SRBD1: variants seen among roughly 807,000 people sequenced by gnomAD.
The protein encoded by SRBD1 is S1 RNA-binding domain-containing protein 1.
Under a neutral mutation model 115.3 loss-of-function variants are expected in SRBD1, and 88 were observed. That is an observed-to-expected ratio of 0.76 (90% CI 0.64 to 0.91). The LOEUF (loss-of-function observed/expected upper bound fraction) is 0.91, where lower values mean the gene tolerates loss of function less well. Among genes scored for constraint, SRBD1 ranks in the 40% least tolerant of loss-of-function variants. The pLI is 0.00. For missense variants in SRBD1, 1,385 were observed against 1,177.4 expected (o/e 1.18, Z -2.58); for synonymous variants, 509 against 407.7 (o/e 1.25, Z -2.99).
In SRBD1 at chr2:45,573,207, C is replaced by G; in HGVS notation, c.1305G>C (p.Gln435His). 1 of 1,600,280 alleles carries G rather than the reference C, an allele frequency of 6.2e-7. No individual in the cohort carries two copies. The highest frequency in any genetic ancestry group is 8.5e-7 in the Non-Finnish European group (1 of 1,174,898). The change falls in exon 9 of 21, where the codon CAG (glutamine) becomes CAC (histidine). Residue 435 changes from glutamine (Q) to histidine (H), a missense_variant and splice_region_variant. Transcript: ENST00000263736. ...ATGCACATGCAGTTTCTTTATTTAC[C>G]TGATGATGGTGAATGTTTCTTATGT... is the stretch of plus-strand genomic sequence containing the variant. ...SCNIRNIHHH[Q>H]ILAINRGENL... is the part of the protein sequence containing the mutation.
intron 16 of SRBD1, among the ~76,000 whole-genome samples, chr2:45,475,967 G>A (rs1669792209): frequency 6.6e-6 from 1 of 152,182 alleles, no homozygotes. Flanking sequence ...CCAAAGTGCT[G>A]GGATTACAGG....
intron 12 of SRBD1, among the ~76,000 whole-genome samples, chr2:45,548,004 C>T (rs1196437943): frequency 6.6e-6 from 1 of 151,794 alleles, no homozygotes; most frequent in Non-Finnish European, 1.5e-5. Flanking sequence ...TTACCTTGTG[C>T]ATATTTAAGA....
rs1198297971 is a variant in SRBD1 at position 45,458,329 on chromosome 2, C to G, written c.2049+18664G>C. On this transcript the variant is annotated intron_variant, in intron 16 of 20. Transcript: ENST00000263736. ...TAAATGAAACAACAGAAGCCTCACC[C>G]TTTCTGGCTTGTTTTCCTAAAACAC... Among the ~76,000 whole-genome samples, 8 of 152,078 alleles carry G rather than the reference C, an allele frequency of 5.3e-5. No individual in the cohort carries two copies. The East Asian group carries it at 1.5e-3, about 29-fold the overall frequency.
intron 19 of SRBD1, among the ~76,000 whole-genome samples, chr2:45,402,171 T>A (rs888080352): frequency 6.6e-6 from 1 of 152,156 alleles, no homozygotes. Flanking sequence ...GGGCACCAGT[T>A]AGGAATCTTT....
At position 45,599,572 on chromosome 2, in the gene SRBD1, T is replaced by C. The variant is rs747954118; in HGVS notation, c.525A>G (p.Thr175=). ...CKKEENDDDF[T]FGQSALKKIK... ...TTTTCTTTAAAGCGGACTGACCAAA[T>C]GTAAAGTCATCGTCATTCTCTTCCT... Residue 175 remains threonine (T), a synonymous_variant, in exon 4 of 21, where the codon ACA becomes ACG. Transcript: ENST00000263736. 1.2e-6 allele frequency: 2 copies of C among 1,614,208 alleles called. No individual in the cohort carries two copies. Among genetic ancestry groups the C allele is most frequent in the Non-Finnish European group, 1.7e-6 (2 of 1,180,034 alleles).
chr2:45,581,690 T>C lies in SRBD1; in HGVS notation c.933+3A>G, dbSNP rs749220885. ...ACATTAAAAGATAAAAAGGATTCCT[T>C]ACCACGTGTTCTAGTTCTTCAAAAG... On this transcript the variant is annotated splice_donor_region_variant and intron_variant, in intron 6 of 20. Transcript: ENST00000263736. 6.2e-7 allele frequency: 1 copy of C among 1,608,936 alleles called. No individual in the cohort carries two copies. The highest frequency in any genetic ancestry group is 8.5e-7 in the Non-Finnish European group (1 of 1,177,338).
At chr2:45,540,532 T>C (rs992203751) in intron 14 of SRBD1, among the ~76,000 whole-genome samples, 1 of 152,028 alleles carries the variant, frequency 6.6e-6, no homozygotes, top group Non-Finnish European at 1.5e-5. Context: ...AATTGGACTT[T>C]CTCAAAACTA....
At position 45,538,204 on chromosome 2, in the gene SRBD1, T is replaced by C. The variant is rs559995889; in HGVS notation, c.1874+8528A>G. Reference sequence around the variant, plus strand: ...CAAGGGAAATCTCAGAAAACAAAAATAGAAAAATTCTTCATAACACCCCAT... The same window carrying C: ...CAAGGGAAATCTCAGAAAACAAAAACAGAAAAATTCTTCATAACACCCCAT... On this transcript the variant is annotated intron_variant, in intron 14 of 20. Transcript: ENST00000263736. Among the ~76,000 whole-genome samples, 41 of 152,196 alleles carry C rather than the reference T, an allele frequency of 2.7e-4. 1 individual carries two copies. Among genetic ancestry groups the C allele is most frequent in the African/African-American group, 7.7e-4 (32 of 41,502 alleles).
chr2:45,410,150 A>G (rs1051367057), intron 19 of SRBD1, among the ~76,000 whole-genome samples: 3 of 152,240 alleles, frequency 2.0e-5, no homozygotes, highest in Admixed American at 6.5e-5. Flanking sequence ...AGCACATTAG[A>G]AAGTGTTCAG....
intron 14 of SRBD1, among the ~76,000 whole-genome samples, chr2:45,510,239 AAC>A (rs1441303205): frequency 1.3e-5 from 2 of 152,228 alleles, no homozygotes; most frequent in African/African-American, 4.8e-5. Context: ...TATACACACA[AAC>A]ACACAAAGAA....
intron 15 of SRBD1, among the ~76,000 whole-genome samples, chr2:45,479,623 T>G (rs1669902442): frequency 6.6e-6 from 1 of 152,174 alleles, no homozygotes; most frequent in Admixed American, 6.5e-5. Context: ...AAGGCTGGTT[T>G]GTGAGGGTTA....
intron 16 of SRBD1, among the ~76,000 whole-genome samples, chr2:45,443,655 T>C (rs1041758053): frequency 6.6e-6 from 1 of 152,044 alleles, no homozygotes; most frequent in Non-Finnish European, 1.5e-5. Context: ...ATCTAAAACT[T>C]TGGCAGACAG....
intron 15 of SRBD1, among the ~76,000 whole-genome samples, chr2:45,482,613 AACACACAC>A (rs70937962): frequency 6.5e-4 from 96 of 148,642 alleles, no homozygotes; most frequent in African/African-American, 1.6e-3. Flanking sequence ...CACAACGTTA[AACACACAC>A]ACACACACAC....
chr2:45,580,573 G>A (rs1673324138), intron 6 of SRBD1, among the ~76,000 whole-genome samples: 1 of 148,858 alleles, frequency 6.7e-6, no homozygotes, highest in Non-Finnish European at 1.5e-5. Flanking sequence ...GTTGGCCAGG[G>A]TGATCTTGAT....
chr2:45,472,711 G>A (rs1460940156), intron 16 of SRBD1, among the ~76,000 whole-genome samples: 1 of 152,156 alleles, frequency 6.6e-6, no homozygotes, highest in Non-Finnish European at 1.5e-5. Context: ...CAAAAACAGT[G>A]AATTTGTCTC....
chr2:45,604,642 TG>T (rs1187830561), intron 2 of SRBD1, among the ~76,000 whole-genome samples: 1 of 152,150 alleles, frequency 6.6e-6, no homozygotes, highest in Non-Finnish European at 1.5e-5. Context: ...TTTCTCTATT[TG>T]GAACACCCAT....
At chr2:45,430,329 TG>T (rs1218702619) in intron 16 of SRBD1, among the ~76,000 whole-genome samples, 1 of 152,130 alleles carries the variant, frequency 6.6e-6, no homozygotes, top group Non-Finnish European at 1.5e-5. Flanking sequence ...AGAGCCCATA[TG>T]GCCAAAATAA....
rs1003947226 is a variant in SRBD1, at chr2:45,464,211, T to C, written c.2049+12782A>G. On this transcript the variant is annotated intron_variant, in intron 16 of 20. Transcript: ENST00000263736. The stretch of plus-strand genomic sequence containing the variant: ...CTTCACTTTCCTTAGCCATTCTCAC[T>C]TCAACTACATGGCCATTCTAATGCT... 8.5e-5 allele frequency among the ~76,000 whole-genome samples: 13 copies of C among 152,102 alleles called. No individual in the cohort carries two copies. In the East Asian group the frequency reaches 2.5e-3, roughly 29 times the overall value.
chr2:45,403,437 A>T (rs1334353143), intron 19 of SRBD1, among the ~76,000 whole-genome samples: 1 of 152,064 alleles, frequency 6.6e-6, no homozygotes, highest in East Asian at 1.9e-4. Context: ...TTATGTAGTC[A>T]TCTTTCATTA....
Sources: gnomAD v4.1 joint callset for allele counts (sites outside exome capture counted in the v4.1 genomes callset) on GRCh38, gnomAD v4.1.1 for gene constraint, MANE v1.5 for transcripts, NCBI Gene and HGNC (gene_info 2026-07-23, HGNC 2026-07-21) for gene names.